The following SARNP variants were observed in gnomAD, a reference collection of about 807,000 sequenced individuals.
SARNP encodes SAP domain containing ribonucleoprotein, also known as SAP domain-containing ribonucleoprotein.
In SARNP, 5 loss-of-function variants were observed where a neutral mutation model predicts 38.1. The observed-to-expected ratio is 0.13, with a 90% confidence interval of 0.07 to 0.28. SARNP has a LOEUF of 0.28. SARNP is among the 10% of genes least tolerant of loss of function. The pLI is 1.00. For synonymous variants in SARNP, 84 were observed against 80.6 expected (o/e 1.04, Z -0.23); for missense variants, 180 against 243.9 (o/e 0.74, Z 1.75).
chr12:55,773,456 A>G (rs998549174), intron 9 of SARNP, among the ~76,000 whole-genome samples: 1 of 152,224 alleles, frequency 6.6e-6, no homozygotes, highest in African/African-American at 2.4e-5. Flanking sequence ...AGAGATGTGA[A>G]GAAATCACAG....
chr12:55,790,951 C>G (rs1385297299), intron 7 of SARNP, among the ~76,000 whole-genome samples: 1 of 152,122 alleles, frequency 6.6e-6, no homozygotes, highest in Admixed American at 6.6e-5. Flanking sequence ...GAAAAACACC[C>G]ATCAACTGAT....
chr12:55,784,471 G>A (rs1592567863), intron 9 of SARNP, among the ~76,000 whole-genome samples: 1 of 152,082 alleles, frequency 6.6e-6, no homozygotes, highest in Non-Finnish European at 1.5e-5. Flanking sequence ...GAACTAGAAC[G>A]CTAAGTTCTA....
At chr12:55,775,734 C>T (rs978448000) in intron 9 of SARNP, among the ~76,000 whole-genome samples, 2 of 152,074 alleles carry the variant, frequency 1.3e-5, no homozygotes, top group Non-Finnish European at 2.9e-5. Context: ...TGTCCTGCCT[C>T]ATCCCCACCT....
At chr12:55,754,747 G>A (rs977882270), downstream of SARNP, 11 of 152,168 alleles carry the variant, frequency 7.2e-5, no homozygotes, top group African/African-American at 2.7e-4. Flanking sequence ...CATGATATGA[G>A]AATATCACTT....
chr12:55,796,194 C>A, intron 4 of SARNP, 118 bp from the exon 5 acceptor site: 1 of 679,342 alleles, frequency 1.5e-6, no homozygotes, highest in Non-Finnish European at 2.5e-6. Flanking sequence ...TCTGCCACCC[C>A]CTAAGCCAAA....
intron 1 of SARNP, chr12:55,815,887 C>G (rs1565685966): frequency 1.3e-5 from 2 of 152,150 alleles, no homozygotes; most frequent in Admixed American, 6.5e-5. Context: ...GGGTCCATAC[C>G]TTTCATCAGA....
rs116056303 is a variant in SARNP, at chr12:55,814,104, T to C, written c.36+3562A>G. On this transcript the variant is annotated intron_variant, in intron 1 of 10. Coordinates refer to ENST00000336133, the MANE Select transcript of SARNP (RefSeq NM_033082.4). ...AAATAAGGCCACAGTAGTTGAAGAG[T>C]TAGTAACTATGCTGGAGAGACGGGC... Among the ~76,000 whole-genome samples, 233 of 152,086 alleles carry C rather than the reference T, an allele frequency of 1.5e-3. 1 individual carries two copies. Among genetic ancestry groups the C allele is most frequent in the African/African-American group, 5.2e-3 (214 of 41,472 alleles).
In SARNP at chr12:55,794,894, G is replaced by T; in HGVS notation, c.304-14C>A. 1.6e-6 allele frequency: 2 copies of T among 1,218,120 alleles called. No individual in the cohort carries two copies. The highest frequency in any genetic ancestry group is 2.2e-6 in the Non-Finnish European group (2 of 929,974). The allele number at this position is 1,218,120 out of a possible 1,614,324, so 75.5% of individuals were successfully genotyped here. On this transcript the variant is annotated splice_polypyrimidine_tract_variant and intron_variant, in intron 5 of 10. Coordinates refer to ENST00000336133, the MANE Select transcript of SARNP (RefSeq NM_033082.4). ...CTTCTGCATTCTCTAAGTAAAAATA[G>T]ACAAAAGGGAGAAAAAAAAGTCAAT...
chr12:55,780,991 CTTCT>C (rs1441978727), intron 9 of SARNP, among the ~76,000 whole-genome samples: 1 of 152,204 alleles, frequency 6.6e-6, no homozygotes, highest in Non-Finnish European at 1.5e-5. Context: ...GCTGTATGAA[CTTCT>C]TTCATCTTTC....
intron 7 of SARNP, among the ~76,000 whole-genome samples, chr12:55,791,831 A>C (rs901007592): frequency 1.3e-5 from 2 of 152,260 alleles, no homozygotes; most frequent in Non-Finnish European, 2.9e-5. Flanking sequence ...TCAAAAAAAC[A>C]GTGCTTGCTT....
At chr12:55,787,241 T>TTAAAAAA (rs758060646) in intron 9 of SARNP, among the ~76,000 whole-genome samples, 2 of 103,474 alleles carry the variant, frequency 1.9e-5, no homozygotes, top group African/African-American at 6.8e-5. Flanking sequence ...CAAAAAAGAC[T>TTAAAAAA]AAAAAAAAAA....
At chr12:55,808,104 T>C (rs1014187356) in intron 1 of SARNP, among the ~76,000 whole-genome samples, 21 of 152,198 alleles carry the variant, frequency 1.4e-4, no homozygotes, top group African/African-American at 2.2e-4. Flanking sequence ...AGCTTTTACA[T>C]AGTTGTATTA....
rs772261 is a variant in SARNP, at chr12:55,780,362, G to A, written c.501+8713C>T. Among the ~76,000 whole-genome samples the A allele has an allele frequency of 6.9e-3, 1,053 of 152,182 alleles. 16 individuals carry two copies. The highest frequency in any genetic ancestry group is 0.024 in the African/African-American group (1,001 of 41,512). On this transcript the variant is annotated intron_variant, in intron 9 of 10. Transcript: ENST00000336133. ...CCAGCTATTCGGGAGGCTGAGGCAG[G>A]AGAATTGCTTGAACCTGGGAGGCAG...
At chr12:55,800,238 G>A (rs1879938346) in intron 4 of SARNP, among the ~76,000 whole-genome samples, 1 of 151,880 alleles carries the variant, frequency 6.6e-6, no homozygotes, top group Non-Finnish European at 1.5e-5. Context: ...ACTGCATACA[G>A]AATTGTACAG....
rs1381821758 is a variant in SARNP at position 55,797,569 on chromosome 12, G to A, written c.252-1493C>T. 2.0e-5 allele frequency among the ~76,000 whole-genome samples: 3 copies of A among 152,142 alleles called. No individual in the cohort carries two copies. In the East Asian group the frequency reaches 5.8e-4, roughly 29 times the overall value. Reference sequence around the variant, plus strand: ...GAAATCCAATGCCATCAAGAAAGTAGTACTCTCCATCAACCCCAGTGTAAT... The same window carrying A: ...GAAATCCAATGCCATCAAGAAAGTAATACTCTCCATCAACCCCAGTGTAAT... On this transcript the variant is annotated intron_variant, in intron 4 of 10. Coordinates refer to ENST00000336133, the MANE Select transcript of SARNP (RefSeq NM_033082.4).
chr12:55,806,402 G>A (rs550044024), intron 1 of SARNP, among the ~76,000 whole-genome samples: 3 of 151,410 alleles, frequency 2.0e-5, no homozygotes, highest in South Asian at 2.1e-4. Flanking sequence ...AGCCTCCTGA[G>A]TAGCTGGGAT....
intron 7 of SARNP, among the ~76,000 whole-genome samples, chr12:55,791,432 C>T (rs750627428): frequency 2.0e-5 from 3 of 152,114 alleles, no homozygotes; most frequent in Non-Finnish European, 2.9e-5. Flanking sequence ...CAGTGGCTTA[C>T]GCCTGTAATC....
intron 9 of SARNP, among the ~76,000 whole-genome samples, chr12:55,767,848 G>GAAA (rs767928003): frequency 1.4e-3 from 48 of 35,388 alleles, no homozygotes; most frequent in African/African-American, 4.3e-3. Context: ...CTCCCTCTCA[G>GAAA]AAAAAAAAAA....
chr12:55,788,109 C>T (rs1203156444), intron 9 of SARNP, among the ~76,000 whole-genome samples: 2 of 152,162 alleles, frequency 1.3e-5, no homozygotes, highest in African/African-American at 4.8e-5. Context: ...ACTTTGACAA[C>T]CAAGAAACAT....
Sources: gnomAD v4.1 joint callset for allele counts (sites outside exome capture counted in the v4.1 genomes callset) on GRCh38, gnomAD v4.1.1 for gene constraint, MANE v1.5 for transcripts, NCBI Gene and HGNC (gene_info 2026-07-23, HGNC 2026-07-21) for gene names.